Variants in SPAG16 observed in about 807,000 individuals in gnomAD.
The protein encoded by SPAG16 is sperm associated antigen 16.
Under a neutral mutation model 80.4 loss-of-function variants are expected in SPAG16, and 86 were observed. The observed-to-expected ratio is 1.07, with a 90% confidence interval of 0.90 to 1.28. The LOEUF (loss-of-function observed/expected upper bound fraction) is 1.28, where lower values mean the gene tolerates loss of function less well. SPAG16 is among the 50% of genes most tolerant of loss of function. SPAG16 has a pLI of 0.00. For synonymous variants in SPAG16, 294 were observed against 265.9 expected (o/e 1.11, Z -1.03); for missense variants, 870 against 765.3 (o/e 1.14, Z -1.61).
intron 13 of SPAG16, among the ~76,000 whole-genome samples, chr2:214,077,036 A>G (rs898170180): frequency 6.6e-6 from 1 of 152,218 alleles, no homozygotes; most frequent in African/African-American, 2.4e-5. Flanking sequence ...CCTGGAATCT[A>G]GAAGCCTAAG....
chr2:214,197,899 C>A (rs1168337171), intron 15 of SPAG16, among the ~76,000 whole-genome samples: 1 of 151,706 alleles, frequency 6.6e-6, no homozygotes, highest in Non-Finnish European at 1.5e-5. Flanking sequence ...CATATCGATT[C>A]TCACTCTTTT....
chr2:214,149,145 C>G lies in SPAG16; in HGVS notation c.1599C>G (p.His533Gln), dbSNP rs777841882. 1 of 1,555,896 alleles carries G rather than the reference C, an allele frequency of 6.4e-7. No individual in the cohort carries two copies. The highest frequency in any genetic ancestry group is 8.7e-7 in the Non-Finnish European group (1 of 1,151,340). The change falls in exon 15 of 16, where the codon CAC becomes CAG. Residue 533 changes from histidine (H) to glutamine (Q), a missense_variant. His to Gln is a conservative substitution (Grantham distance 24). Transcript: ENST00000331683. ...INDAIFDPRG[H>Q]MIASCDACGV... ...GTTTATCTTATATTTTGAAGGGTCA[C>G]ATGATAGCATCCTGTGATGCCTGTG...
intron 15 of SPAG16, among the ~76,000 whole-genome samples, chr2:214,196,120 G>A (rs17816554): frequency 0.016 from 2,461 of 152,062 alleles, 34 homozygotes; most frequent in Non-Finnish European, 0.027. Context: ...TCTTAATCCC[G>A]TGTTGAATGT....
intron 11 of SPAG16, among the ~76,000 whole-genome samples, chr2:213,864,194 C>T (rs1451018838): frequency 6.6e-6 from 1 of 151,972 alleles, no homozygotes; most frequent in Non-Finnish European, 1.5e-5. Flanking sequence ...CAAACCAACA[C>T]TAAATAGCAA....
At chr2:213,683,353 G>A (rs956190599) in intron 10 of SPAG16, among the ~76,000 whole-genome samples, 4 of 152,066 alleles carry the variant, frequency 2.6e-5, no homozygotes, top group Non-Finnish European at 4.4e-5. Flanking sequence ...AAGTTCAAGA[G>A]CAGCCTGGCC....
chr2:213,679,334 C>G (rs1195438284), intron 10 of SPAG16, among the ~76,000 whole-genome samples: 1 of 152,054 alleles, frequency 6.6e-6, no homozygotes, highest in Admixed American at 6.6e-5. Context: ...TTCCAAGAAC[C>G]AGATAATAAT....
At chr2:214,250,694 AAT>A (rs1160580004) in intron 15 of SPAG16, among the ~76,000 whole-genome samples, 1 of 144,478 alleles carries the variant, frequency 6.9e-6, no homozygotes, top group Non-Finnish European at 1.5e-5. Flanking sequence ...TATATAAAGA[AAT>A]ATATATAATT....
At chr2:214,273,782 C>T (rs981432639) in intron 15 of SPAG16, among the ~76,000 whole-genome samples, 1 of 152,136 alleles carries the variant, frequency 6.6e-6, no homozygotes, top group Non-Finnish European at 1.5e-5. Context: ...AATGCAGACA[C>T]TTTTTTGTTT....
intron 15 of SPAG16, among the ~76,000 whole-genome samples, chr2:214,310,285 A>G (rs554496365): frequency 6.6e-6 from 1 of 151,756 alleles, no homozygotes; most frequent in African/African-American, 2.4e-5. Context: ...GTGCTTTTAG[A>G]CAACCGAGGC....
At chr2:214,214,664 G>A (rs1054998614) in intron 15 of SPAG16, among the ~76,000 whole-genome samples, 1 of 150,878 alleles carries the variant, frequency 6.6e-6, no homozygotes, top group East Asian at 1.9e-4. Flanking sequence ...AAATTTTGTG[G>A]GTACAGAAGT....
intron 6 of SPAG16, among the ~76,000 whole-genome samples, chr2:213,346,423 A>G (rs2064993601): frequency 1.3e-5 from 2 of 152,202 alleles, no homozygotes; most frequent in South Asian, 4.1e-4. Context: ...ACCGTGCTGA[A>G]TAGGAGTGAT....
intron 10 of SPAG16, among the ~76,000 whole-genome samples, chr2:213,834,484 C>G (rs572689642): frequency 6.8e-4 from 103 of 152,274 alleles, no homozygotes; most frequent in African/African-American, 2.4e-3. Context: ...TCTTCTTATC[C>G]TGTGTAGCAT....
At chr2:213,350,506 C>A (rs200782671) in intron 6 of SPAG16, 22 bp from the exon 7 acceptor site, 4 of 1,306,770 alleles carry the variant, frequency 3.1e-6, no homozygotes, top group African/African-American at 1.5e-5. Flanking sequence ...CCTTAAGATG[C>A]TATTGACTTT....
At chr2:213,751,784 C>G (rs769071666) in intron 10 of SPAG16, among the ~76,000 whole-genome samples, 88 of 152,072 alleles carry the variant, frequency 5.8e-4, no homozygotes, top group Non-Finnish European at 1.1e-3. Context: ...AAAGGACGAC[C>G]TGGTCACAGT....
rs1048111261 is a variant in SPAG16, at chr2:213,806,427, G to A, written c.1071-56058G>A. Among the ~76,000 whole-genome samples, 31 of 152,196 alleles carry A rather than the reference G, an allele frequency of 2.0e-4. 1 individual carries two copies. Among genetic ancestry groups the A allele is most frequent in the African/African-American group, 6.0e-4 (25 of 41,562 alleles). ...AAACAATTTGGATATTTGTAATAGC[G>A]TGTAACATGTTTTGTAATGGTAAAG... is the stretch of plus-strand genomic sequence containing the variant. On this transcript the variant is annotated intron_variant, in intron 10 of 15. Transcript: ENST00000331683.
At chr2:213,538,123 C>G (rs1027049875) in intron 10 of SPAG16, among the ~76,000 whole-genome samples, 1 of 152,128 alleles carries the variant, frequency 6.6e-6, no homozygotes, top group African/African-American at 2.4e-5. Flanking sequence ...AATGTTCTAA[C>G]AAATTTAAAC....
chr2:213,611,487 A>T (rs2061437859), intron 10 of SPAG16, among the ~76,000 whole-genome samples: 1 of 152,184 alleles, frequency 6.6e-6, no homozygotes, highest in Admixed American at 6.5e-5. Flanking sequence ...GCTATATTAG[A>T]TATACTGTAG....
chr2:213,553,178 C>T (rs1303140952), intron 10 of SPAG16, among the ~76,000 whole-genome samples: 2 of 152,118 alleles, frequency 1.3e-5, no homozygotes, highest in African/African-American at 4.8e-5. Context: ...TTGACTAATA[C>T]AAGGAGACAC....
intron 10 of SPAG16, among the ~76,000 whole-genome samples, chr2:213,665,721 A>G (rs2063576985): frequency 6.6e-6 from 1 of 152,156 alleles, no homozygotes. Context: ...TATTTTTTAA[A>G]TTAATTAACA....
Sources: gnomAD v4.1 joint callset for allele counts (sites outside exome capture counted in the v4.1 genomes callset) on GRCh38, gnomAD v4.1.1 for gene constraint, MANE v1.5 for transcripts, NCBI Gene and HGNC (gene_info 2026-07-23, HGNC 2026-07-21) for gene names.